Variants in DCC observed in about 807,000 individuals in gnomAD.
The protein encoded by DCC is DCC netrin 1 receptor.
A neutral mutation model predicts 172.5 loss-of-function variants in DCC; 58 were observed. The observed-to-expected ratio is 0.34, with a 90% CI of 0.27 to 0.42. The LOEUF (loss-of-function observed/expected upper bound fraction) is 0.42. DCC is among the 10% of genes least tolerant of loss of function. The pLI is 1.00. For missense variants in DCC, 1,740 were observed against 1,791.0 expected (o/e 0.97, Z 0.51); for synonymous variants, 709 against 644.5 (o/e 1.10, Z -1.52).
At chr18:53,117,822 A>G (rs150714371) in intron 7 of DCC, among the ~76,000 whole-genome samples, 107 of 151,872 alleles carry the variant, frequency 7.0e-4, no homozygotes, top group South Asian at 2.1e-3. Context: ...CCTGTGTTCC[A>G]ATAAAACATT....
At chr18:52,600,669 A>T (rs550555282) in intron 1 of DCC, among the ~76,000 whole-genome samples, 1 of 152,250 alleles carries the variant, frequency 6.6e-6, no homozygotes, top group Non-Finnish European at 1.5e-5. Flanking sequence ...ATCTTCTTTA[A>T]TCACTTTCAA....
At chr18:53,329,060 G>T (rs1182167197) in intron 14 of DCC, among the ~76,000 whole-genome samples, 1 of 152,042 alleles carries the variant, frequency 6.6e-6, no homozygotes, top group Non-Finnish European at 1.5e-5. Context: ...ATAATTTAAT[G>T]GGGCATCATA....
At chr18:52,371,897 G>A (rs1985138306) in intron 1 of DCC, among the ~76,000 whole-genome samples, 2 of 152,170 alleles carry the variant, frequency 1.3e-5, no homozygotes, top group African/African-American at 2.4e-5. Flanking sequence ...CCCAGGCAAT[G>A]CTTTGATAAT....
At chr18:53,354,726 G>A (rs998124710) in intron 15 of DCC, among the ~76,000 whole-genome samples, 1 of 150,290 alleles carries the variant, frequency 6.7e-6, no homozygotes, top group Non-Finnish European at 1.5e-5. Flanking sequence ...CACTCTGATG[G>A]TAGTTTCTTT....
At position 53,271,012 on chromosome 18, in the gene DCC, A is replaced by G. The variant is rs565701918; in HGVS notation, c.1912-34566A>G. Among the ~76,000 whole-genome samples the G allele has an allele frequency of 3.9e-5, 6 of 152,286 alleles. No homozygotes were observed. In the East Asian group the frequency reaches 1.2e-3, roughly 29 times the overall value. ...GCATAAAATTTTCAATAACTACCAC[A>G]ATGGAGCATAGCTATTACATAGTGG... On this transcript the variant is annotated intron_variant, in intron 12 of 28. Coordinates refer to ENST00000442544, the MANE Select transcript of DCC (RefSeq NM_005215.4).
At chr18:53,507,548 T>G (rs1176868016) in intron 27 of DCC, among the ~76,000 whole-genome samples, 1 of 152,204 alleles carries the variant, frequency 6.6e-6, no homozygotes, top group Non-Finnish European at 1.5e-5. Context: ...GGAGGACTGA[T>G]GTTCTTATCT....
chr18:52,354,581 G>A (rs904120072), intron 1 of DCC, among the ~76,000 whole-genome samples: 20 of 152,172 alleles, frequency 1.3e-4, no homozygotes, highest in African/African-American at 4.8e-4. Flanking sequence ...ATAGGATAAT[G>A]TATGTATTGG....
rs150736732 is a variant in DCC, at chr18:52,480,691, CTT to C, written c.91+139815_91+139816del. On this transcript the variant is annotated intron_variant, in intron 1 of 28. Transcript: ENST00000442544. The stretch of plus-strand genomic sequence containing the variant: ...ATTATTAGAAATGCAAGAAAGGTGT[CTT>C]TGTGTTTTCTGGTTGAATTTGCCCT... Among the ~76,000 whole-genome samples the C allele has an allele frequency of 3.1e-3, 477 of 152,274 alleles. 2 individuals are homozygous for C. The highest frequency in any genetic ancestry group is 0.011 in the African/African-American group (459 of 41,566).
chr18:53,528,576 C>T (rs1388430564), intron 28 of DCC, among the ~76,000 whole-genome samples: 1 of 151,806 alleles, frequency 6.6e-6, no homozygotes, highest in Non-Finnish European at 1.5e-5. Context: ...ATATTAAAAG[C>T]AGTAAGAAAC....
rs949496885 is a variant in DCC, at chr18:53,157,339, C to T, written c.1262-17C>T. 1.2e-6 allele frequency: 2 copies of T among 1,613,670 alleles called. No homozygotes were observed. Among genetic ancestry groups the T allele is most frequent in the Non-Finnish European group, 1.7e-6 (2 of 1,179,696 alleles). ...TGGCAGCGACACCTCTGATAGCCTC[C>T]TCTTCTTTCTCCTTAGCTATCCCAA... is the stretch of plus-strand genomic sequence containing the variant. On this transcript the variant is annotated splice_polypyrimidine_tract_variant and intron_variant, in intron 7 of 28. Coordinates refer to ENST00000442544, the MANE Select transcript of DCC (RefSeq NM_005215.4).
intron 2 of DCC, among the ~76,000 whole-genome samples, chr18:52,805,728 T>G (rs1311406433): frequency 6.6e-6 from 1 of 152,196 alleles, no homozygotes; most frequent in African/African-American, 2.4e-5. Flanking sequence ...TACCATGACT[T>G]AAACCAGAAA....
intron 22 of DCC, among the ~76,000 whole-genome samples, chr18:53,448,584 TGTG>T (rs1350767232): frequency 2.0e-5 from 3 of 152,060 alleles, no homozygotes; most frequent in African/African-American, 4.8e-5. Context: ...TTCCTAAAAA[TGTG>T]GTGGCTCACA....
rs10671545 is a variant in DCC, at chr18:53,351,443, GTATA to G, written c.2359+11547_2359+11550del. ...CACACTGTGTATATATATATACAGT[GTATA>G]TATATATATACACAGTGTGTATATA... is the stretch of plus-strand genomic sequence containing the variant. On this transcript the variant is annotated intron_variant, in intron 15 of 28. Transcript: ENST00000442544. Among the ~76,000 whole-genome samples, 4 of 31,906 alleles carry G rather than the reference GTATA, an allele frequency of 1.3e-4. 1 individual carries two copies. In the East Asian group the frequency reaches 2.5e-3, roughly 20 times the overall value. 20.9% of individuals were successfully genotyped at this position (31,906 alleles called of 152,430 possible). A position where few individuals can be genotyped will look rare whatever the true frequency, so the allele number is the denominator to read the frequency against.
At chr18:53,402,389 CAAA>C (rs201731473) in intron 18 of DCC, among the ~76,000 whole-genome samples, 5 of 133,158 alleles carry the variant, frequency 3.8e-5, no homozygotes, top group East Asian at 5.0e-4. Flanking sequence ...GACCCTGTCT[CAAA>C]AAAAAAAAAA....
intron 1 of DCC, among the ~76,000 whole-genome samples, chr18:52,505,362 A>G (rs895838838): frequency 5.3e-5 from 8 of 152,202 alleles, no homozygotes; most frequent in Admixed American, 5.2e-4. Context: ...ACTAAGACAG[A>G]GAGAAGGTAA....
chr18:52,823,695 C>T (rs1468129342), intron 2 of DCC, among the ~76,000 whole-genome samples: 4 of 152,140 alleles, frequency 2.6e-5, no homozygotes, highest in Non-Finnish European at 4.4e-5. Flanking sequence ...AGAATCATAG[C>T]TCTGATTATA....
intron 3 of DCC, among the ~76,000 whole-genome samples, chr18:52,920,623 G>T (rs554346657): frequency 1.3e-5 from 2 of 152,092 alleles, no homozygotes; most frequent in Non-Finnish European, 2.9e-5. Flanking sequence ...GGACAGTTTG[G>T]CAGTTTCTCA....
chr18:52,743,188 C>A (rs1445845908), intron 1 of DCC, among the ~76,000 whole-genome samples: 3 of 152,148 alleles, frequency 2.0e-5, no homozygotes, highest in Non-Finnish European at 4.4e-5. Flanking sequence ...CTCCTTAAAT[C>A]ACACTTTTTC....
At chr18:52,594,781 G>A (rs2033872812) in intron 1 of DCC, among the ~76,000 whole-genome samples, 4 of 152,120 alleles carry the variant, frequency 2.6e-5, no homozygotes, top group Admixed American at 2.0e-4. Flanking sequence ...CAAGGGAGAT[G>A]CAACACGCTT....
Sources: allele counts gnomAD v4.1 joint callset (sites outside exome capture counted in the v4.1 genomes callset), GRCh38; gene constraint gnomAD v4.1.1; transcripts MANE v1.5; gene names NCBI Gene and HGNC (gene_info 2026-07-23, HGNC 2026-07-21).